SHANK2: variants seen among roughly 807,000 people sequenced by gnomAD.
The protein encoded by SHANK2 is SH3 and multiple ankyrin repeat domains protein 2.
A neutral mutation model predicts 133.7 loss-of-function variants in SHANK2; 43 were observed. The observed-to-expected ratio is 0.32, with a 90% confidence interval of 0.25 to 0.41. The LOEUF is 0.41. Among genes scored for constraint, SHANK2 ranks in the 10% least tolerant of loss-of-function variants. The probability of loss-of-function intolerance (pLI) is 1.00; values close to 1 mark genes in which losing one functional copy is unlikely to be tolerated. For missense variants in SHANK2, 1,994 were observed against 2,235.8 expected, an observed-to-expected ratio of 0.89 and a Z score of 2.18; for synonymous variants, 1,017 against 952.8, an observed-to-expected ratio of 1.07 and a Z score of -1.24.
chr11:70,897,975 T>C (rs1949962733), intron 10 of SHANK2, among the ~76,000 whole-genome samples: 1 of 151,228 alleles, frequency 6.6e-6, no homozygotes, highest in Non-Finnish European at 1.5e-5. Flanking sequence ...TTTTTTTCTT[T>C]TTTTTTTGGC....
intron 11 of SHANK2, among the ~76,000 whole-genome samples, chr11:70,884,761 C>A (rs939985988): frequency 3.3e-5 from 5 of 152,222 alleles, no homozygotes; most frequent in African/African-American, 1.2e-4. Flanking sequence ...GTTCTTGTTG[C>A]CCAGGCTGGA....
intron 9 of SHANK2, among the ~76,000 whole-genome samples, chr11:71,070,069 C>T (rs1326573799): frequency 3.9e-5 from 6 of 152,324 alleles, no homozygotes; most frequent in South Asian, 4.1e-4. Context: ...AAGTACAACA[C>T]GCAGTGCCTG....
At chr11:70,489,987 G>A in intron 23 of SHANK2, 2 of 96,570 alleles carry the variant, frequency 2.1e-5, no homozygotes, top group Non-Finnish European at 4.3e-5. Context: ...CCACCCTCCC[G>A]CTTTACCCTG....
chr11:70,592,773 G>A (rs1475668866), intron 17 of SHANK2, among the ~76,000 whole-genome samples: 1 of 152,102 alleles, frequency 6.6e-6, no homozygotes, highest in Non-Finnish European at 1.5e-5. Context: ...CAAGGCAGCT[G>A]CGGATTCCCA....
chr11:70,820,350 C>CT lies in SHANK2; in HGVS notation c.1493+13dup, dbSNP rs782035774. 30 of 608,716 alleles carry CT rather than the reference C, an allele frequency of 4.9e-5. No individual in the cohort carries two copies. The highest frequency in any genetic ancestry group is 8.2e-5 in the Non-Finnish European group (27 of 329,428). 37.7% of individuals were successfully genotyped at this position (608,716 alleles called of 1,614,324 possible). ...GTGGCGGTCTTCCTTCCCTTGGCGT[C>CT]TGCCACTCCTTACCCGACATGCCAG... On this transcript the variant is annotated intron_variant, in intron 12 of 25. Transcript: ENST00000601538.
At chr11:70,831,375 A>G (rs1258491590) in intron 11 of SHANK2, among the ~76,000 whole-genome samples, 1 of 152,132 alleles carries the variant, frequency 6.6e-6, no homozygotes, top group Non-Finnish European at 1.5e-5. Context: ...GTCACCCCCA[A>G]ATGAACCCCA....
intron 6 of SHANK2, among the ~76,000 whole-genome samples, chr11:71,095,925 T>C (rs113131405): frequency 0.12 from 12,703 of 106,152 alleles, 263 homozygotes; most frequent in South Asian, 0.17. Context: ...ACTAGGATGC[T>C]GTGTGTAGAC....
chr11:70,572,868 A>G (rs1554983379), intron 17 of SHANK2, among the ~76,000 whole-genome samples: 2 of 152,274 alleles, frequency 1.3e-5, no homozygotes. Context: ...ACATCCATCT[A>G]TCACGTGACC....
At chr11:70,580,521 TGTCTGGGCA>T (rs1473276328) in intron 17 of SHANK2, among the ~76,000 whole-genome samples, 16 of 152,334 alleles carry the variant, frequency 1.1e-4, no homozygotes, top group Admixed American at 9.8e-4. Flanking sequence ...GACCCGGCCT[TGTCTGGGCA>T]GTCTGGGTCT....
intron 11 of SHANK2, among the ~76,000 whole-genome samples, chr11:70,838,529 G>T (rs1948857893): frequency 1.3e-5 from 2 of 152,102 alleles, no homozygotes; most frequent in Admixed American, 6.6e-5. Flanking sequence ...GCTTTGTTGG[G>T]GGAGTCTCTG....
chr11:71,151,846 C>G (rs568638628), intron 2 of SHANK2, among the ~76,000 whole-genome samples: 5 of 152,150 alleles, frequency 3.3e-5, no homozygotes, highest in East Asian at 1.9e-4. Context: ...GAAGCCCCCC[C>G]TCAGTGGACA....
rs1361146921 is a variant in SHANK2, at chr11:70,468,256, T to C, written c.*4613A>G. On this transcript the variant is annotated 3_prime_UTR_variant, in exon 26 of 26. Transcript: ENST00000601538. Reference sequence around the variant, plus strand: ...CCAGAGTGGAATCAATGGACAGGGATTGTTGTAATTTTGAACATAAAACGG... The same window carrying C: ...CCAGAGTGGAATCAATGGACAGGGACTGTTGTAATTTTGAACATAAAACGG... The C allele has an allele frequency of 1.3e-5, 2 of 152,140 alleles. No homozygotes were observed. Among genetic ancestry groups the C allele is most frequent in the African/African-American group, 2.4e-5 (1 of 41,418 alleles). 9.4% of individuals were successfully genotyped at this position (152,140 alleles called of 1,614,324 possible).
At chr11:70,624,791 C>T (rs562122306) in intron 17 of SHANK2, among the ~76,000 whole-genome samples, 18 of 152,296 alleles carry the variant, frequency 1.2e-4, no homozygotes, top group East Asian at 5.8e-4. Flanking sequence ...GAAACGTCCC[C>T]GGTGTCGTCC....
chr11:70,520,008 A>G (rs1307533593), intron 17 of SHANK2, among the ~76,000 whole-genome samples: 1 of 151,290 alleles, frequency 6.6e-6, no homozygotes, highest in Non-Finnish European at 1.5e-5. Context: ...TCAGCCTCCC[A>G]AAGTGTTGGG....
chr11:71,237,116 A>G (rs1237202279), intron 1 of SHANK2, among the ~76,000 whole-genome samples: 1 of 152,208 alleles, frequency 6.6e-6, no homozygotes, highest in East Asian at 1.9e-4. Context: ...AGGGGACTGC[A>G]GCAAATGTGA....
At chr11:71,147,507 C>T (rs1189381971) in intron 2 of SHANK2, among the ~76,000 whole-genome samples, 169 bp from the exon 3 acceptor site, 1 of 152,154 alleles carries the variant, frequency 6.6e-6, no homozygotes. Context: ...TGTACAGATC[C>T]CAGAGGGCGG....
intron 17 of SHANK2, among the ~76,000 whole-genome samples, chr11:70,552,728 G>C (rs1167063110): frequency 6.6e-6 from 1 of 152,190 alleles, no homozygotes; most frequent in African/African-American, 2.4e-5. Flanking sequence ...TGGGGTGCAA[G>C]GGAGTCACCG....
intron 2 of SHANK2, among the ~76,000 whole-genome samples, chr11:71,174,506 C>T (rs1453710563): frequency 6.6e-6 from 1 of 151,910 alleles, no homozygotes; most frequent in African/African-American, 2.4e-5. Flanking sequence ...ATGGTGAAAC[C>T]CCGTCTCTAC....
chr11:71,057,717 A>T (rs1397423761), intron 9 of SHANK2, among the ~76,000 whole-genome samples: 1 of 145,880 alleles, frequency 6.9e-6, no homozygotes. Context: ...TGCCCAGCTA[A>T]TTTTTTTTTT....
Sources: gnomAD v4.1 joint callset for allele counts (sites outside exome capture counted in the v4.1 genomes callset) on GRCh38, gnomAD v4.1.1 for gene constraint, MANE v1.5 for transcripts, NCBI Gene and HGNC (gene_info 2026-07-23, HGNC 2026-07-21) for gene names.